Variants in SBNO1 observed in about 807,000 individuals in gnomAD.
SBNO1 encodes strawberry notch homolog 1.
Under a neutral mutation model 173.6 loss-of-function variants are expected in SBNO1, and 23 were observed. The ratio of observed to expected loss-of-function variants is 0.13; its 90% CI spans 0.10 to 0.19. The LOEUF (loss-of-function observed/expected upper bound fraction) is 0.19, where lower values mean the gene tolerates loss of function less well. Among genes scored for constraint, SBNO1 ranks in the 10% least tolerant of loss-of-function variants. The pLI is 1.00. For missense variants in SBNO1, 1,238 were observed against 1,671.2 expected, an observed-to-expected ratio of 0.74 and a Z score of 4.52; for synonymous variants, 632 against 571.5, an observed-to-expected ratio of 1.11 and a Z score of -1.51.
At chr12:123,363,241 C>T (rs1222999053) in intron 1 of SBNO1, among the ~76,000 whole-genome samples, 2 of 152,162 alleles carry the variant, frequency 1.3e-5, no homozygotes, top group Non-Finnish European at 2.9e-5. Context: ...AAAATGTTCC[C>T]TTGCTTGCAA....
intron 28 of SBNO1, among the ~76,000 whole-genome samples, chr12:123,306,100 G>A (rs945776819): frequency 2.0e-5 from 3 of 151,978 alleles, no homozygotes; most frequent in East Asian, 1.9e-4. Context: ...TTTTTCCAAC[G>A]AATTGAAACA....
intron 23 of SBNO1, among the ~76,000 whole-genome samples, 163 bp downstream of exon 23, chr12:123,315,210 T>C (rs1869134341): frequency 6.6e-6 from 1 of 152,244 alleles, no homozygotes; most frequent in African/African-American, 2.4e-5. Context: ...TAACATGCGA[T>C]CTAACATACA....
intron 4 of SBNO1, among the ~76,000 whole-genome samples, chr12:123,342,954 A>G (rs555022963): frequency 1.3e-5 from 2 of 152,328 alleles, no homozygotes; most frequent in South Asian, 2.1e-4. Context: ...ACAACTAATT[A>G]AAGTATTAAC....
chr12:123,348,327 T>A (rs1873460010), intron 2 of SBNO1, among the ~76,000 whole-genome samples, 194 bp from the exon 3 acceptor site: 1 of 152,224 alleles, frequency 6.6e-6, no homozygotes, highest in Non-Finnish European at 1.5e-5. Flanking sequence ...ATTCCTTTTT[T>A]AAAACATTTT....
rs751140917 is a variant in SBNO1 at position 123,341,625 on chromosome 12, G to A, written c.551-537C>T. 1.6e-4 allele frequency among the ~76,000 whole-genome samples: 25 copies of A among 152,020 alleles called. No individual in the cohort carries two copies. The East Asian group carries it at 1.8e-3, about 11-fold the overall frequency. ...CAACCTCCTCCTCCCGAGTTCAAGC[G>A]ATTCTCCTGCCTCAGACCCCCAAGT... On this transcript the variant is annotated intron_variant, in intron 4 of 31. Transcript: ENST00000602398.
chr12:123,320,162 A>G (rs574841367), intron 19 of SBNO1, 131 bp from the exon 20 acceptor site: 1 of 1,041,994 alleles, frequency 9.6e-7, no homozygotes, highest in South Asian at 1.6e-5. Flanking sequence ...AAGGATACAG[A>G]ACACTGCAAC....
rs1485483696 is a variant in SBNO1, at chr12:123,293,246, T to A, written c.*2662A>T. 3 of 152,200 alleles carry A rather than the reference T, an allele frequency of 2.0e-5. No homozygotes were observed. The highest frequency in any genetic ancestry group is 2.0e-4 in the Admixed American group (3 of 15,270). The allele number at this position is 152,200 out of a possible 1,614,324, so 9.4% of individuals were successfully genotyped here. Reference sequence around the variant, plus strand: ...GCGGCAAATTTTTTGTATTTTTTGGTACAGATGGGGTTTTGCCATGTGGAC... The same window carrying A: ...GCGGCAAATTTTTTGTATTTTTTGGAACAGATGGGGTTTTGCCATGTGGAC... On this transcript the variant is annotated 3_prime_UTR_variant, in exon 32 of 32. Transcript: ENST00000602398.
At chr12:123,342,105 G>T (rs1307179193) in intron 4 of SBNO1, among the ~76,000 whole-genome samples, 1 of 151,906 alleles carries the variant, frequency 6.6e-6, no homozygotes, top group Non-Finnish European at 1.5e-5. Flanking sequence ...TACAAAATTA[G>T]CCGGGCATGG....
Position 123,292,719 on chromosome 12 carries a change from T to C in SBNO1, c.*3189A>G, listed in dbSNP as rs555068442. On this transcript the variant is annotated 3_prime_UTR_variant, in exon 32 of 32. Transcript: ENST00000602398. Reference sequence around the variant, plus strand: ...GTTAGAATAAATATATATAGATACATACACACACTACATTGCTTTGGATGC... The same window carrying C: ...GTTAGAATAAATATATATAGATACACACACACACTACATTGCTTTGGATGC... 15 of 152,286 alleles carry C rather than the reference T, an allele frequency of 9.8e-5. No homozygotes were observed. Among genetic ancestry groups the C allele is most frequent in the African/African-American group, 2.2e-4 (9 of 41,548 alleles). 9.4% of individuals were successfully genotyped at this position (152,286 alleles called of 1,614,324 possible).
chr12:123,320,115 G>A (rs1869775769), intron 19 of SBNO1, 84 bp from the exon 20 acceptor site: 2 of 1,453,984 alleles, frequency 1.4e-6, no homozygotes, highest in African/African-American at 2.8e-5. Context: ...AAGACACTTG[G>A]GAGATAAGAG....
chr12:123,297,400 C>CAAAAAAAAAAAAAAAAAAAAAAAAAAAA lies in SBNO1; in HGVS notation c.4039+577_4039+578insTTTTTTTTTTTTTTTTTTTTTTTTTTTT, dbSNP rs59447456. Among the ~76,000 whole-genome samples, 28 of 31,514 alleles carry CAAAAAAAAAAAAAAAAAAAAAAAAAAAA rather than the reference C, an allele frequency of 8.9e-4. 6 individuals carry two copies. The highest frequency in any genetic ancestry group is 1.2e-3 in the African/African-American group (11 of 9,488). 20.7% of individuals were successfully genotyped at this position (31,514 alleles called of 152,430 possible). A position where few individuals can be genotyped will look rare whatever the true frequency, so the allele number is the denominator to read the frequency against. On this transcript the variant is annotated intron_variant, in intron 31 of 31. Transcript: ENST00000602398. ...TACAACATCCCAAAATACTGGTGTCCAAAAAAAAAAAAAAAAAAAAAATTC... is the reference window on the plus strand; with the variant it reads ...TACAACATCCCAAAATACTGGTGTCCAAAAAAAAAAAAAAAAAAAAAAAAAAAAAAAAAAAAAAAAAAAAAAAAAATTC...
Position 123,331,282 on chromosome 12 carries a change from T to G in SBNO1, c.1003A>C (p.Ile335Leu). 6.2e-7 allele frequency: 1 copy of G among 1,614,162 alleles called. No homozygotes were observed. Among genetic ancestry groups the G allele is most frequent in the East Asian group, 2.2e-5 (1 of 44,878 alleles). Residue 335 changes from isoleucine to leucine, a missense_variant, in exon 8 of 32, where the codon ATC becomes CTC. By Grantham distance (5) the Ile-to-Leu change is conservative. Transcript: ENST00000602398. ...CTACTCAACAAATAATTTTCATAGA[T>G]GATTCCTGCTATCGTCCTTCCTTTT... ...VGKGRTIAGI[I>L]YENYLLSRKR...
At chr12:123,310,449 G>GAC (rs2049024169) in intron 25 of SBNO1, among the ~76,000 whole-genome samples, 1 of 152,002 alleles carries the variant, frequency 6.6e-6, no homozygotes, top group African/African-American at 2.4e-5. Context: ...GGCCATGATG[G>GAC]TCTTGGACTC....
chr12:123,317,131 C>A (rs866770627), intron 21 of SBNO1, 90 bp downstream of exon 21: 8 of 1,378,330 alleles, frequency 5.8e-6, no homozygotes, highest in Non-Finnish European at 8.2e-6. Context: ...AGCCTCTGTG[C>A]CCGGCCTAAA....
chr12:123,310,447 T>C (rs570051038), intron 25 of SBNO1, among the ~76,000 whole-genome samples: 2 of 152,280 alleles, frequency 1.3e-5, no homozygotes, highest in South Asian at 2.1e-4. Flanking sequence ...TTGGCCATGA[T>C]GGTCTTGGAC....
Position 123,331,349 on chromosome 12 carries a change from T to C in SBNO1, c.936A>G (p.Gly312=), listed in dbSNP as rs745916777. The part of the protein sequence containing the change: ...AQQHETFLPN[G]DRAGFLIGDG... ...CACCTATTAAGAAGCCAGCACGATC[T>C]CCATTAGGTAGGAAAGTTTCATGTT... The change falls in exon 8 of 32, where the codon GGA becomes GGG. Residue 312 remains glycine, a synonymous_variant. Coordinates refer to ENST00000602398, the MANE Select transcript of SBNO1 (RefSeq NM_001167856.3). 1 of 1,613,948 alleles carries C rather than the reference T, an allele frequency of 6.2e-7. No individual in the cohort carries two copies. Among genetic ancestry groups the C allele is most frequent in the Non-Finnish European group, 8.5e-7 (1 of 1,179,850 alleles).
chr12:123,340,466 A>G (rs1482497922), intron 5 of SBNO1, among the ~76,000 whole-genome samples: 1 of 151,788 alleles, frequency 6.6e-6, no homozygotes, highest in Non-Finnish European at 1.5e-5. Flanking sequence ...CTGTAATCCC[A>G]GCTACTTGAG....
At chr12:123,327,866 A>T (rs889208345) in intron 11 of SBNO1, 26 bp downstream of exon 11, 3 of 1,579,578 alleles carry the variant, frequency 1.9e-6, no homozygotes, top group African/African-American at 1.4e-5. Flanking sequence ...CCTACAATAT[A>T]TATTTTTAAA....
chr12:123,315,613 G>A lies in SBNO1; in HGVS notation c.2983C>T (p.Leu995=), dbSNP rs1307477520. 2 of 1,613,868 alleles carry A rather than the reference G, an allele frequency of 1.2e-6. No individual in the cohort carries two copies. The highest frequency in any genetic ancestry group is 1.7e-6 in the Non-Finnish European group (2 of 1,179,922). The change falls in exon 22 of 32, where the codon CTG becomes TTG. Residue 995 remains leucine (L), a synonymous_variant. Coordinates refer to ENST00000602398, the MANE Select transcript of SBNO1 (RefSeq NM_001167856.3). Reference sequence around the variant, plus strand: ...TGTTCTCCTGCCAGTTCAGATATCAGAAAGACATACTCAGGAGCAGTAACT... The same window carrying A: ...TGTTCTCCTGCCAGTTCAGATATCAAAAAGACATACTCAGGAGCAGTAACT... ...NQVTAPEYVF[L]ISELAGEQRF...
Sources: allele counts gnomAD v4.1 joint callset (sites outside exome capture counted in the v4.1 genomes callset), GRCh38; gene constraint gnomAD v4.1.1; transcripts MANE v1.5; gene names NCBI Gene and HGNC (gene_info 2026-07-23, HGNC 2026-07-21).